SEMA6A: variants seen among roughly 807,000 people sequenced by gnomAD.
The protein encoded by SEMA6A is semaphorin 6A, also known as semaphorin-6A.
A neutral mutation model predicts 96.8 loss-of-function variants in SEMA6A; 25 were observed. The observed-to-expected ratio is 0.26, with a 90% confidence interval of 0.19 to 0.36. SEMA6A has a LOEUF of 0.36. SEMA6A is among the 10% of genes least tolerant of loss of function. The pLI is 1.00. For synonymous variants in SEMA6A, 612 were observed against 518.0 expected (o/e 1.18, Z -2.46); for missense variants, 1,363 against 1,323.1 (o/e 1.03, Z -0.47).
intron 1 of SEMA6A, among the ~76,000 whole-genome samples, chr5:116,539,895 A>G (rs1243728672): frequency 6.6e-6 from 1 of 152,130 alleles, no homozygotes; most frequent in Non-Finnish European, 1.5e-5. Flanking sequence ...TTCCCAGTGT[A>G]TCTTAAACTC....
chr5:116,501,893 C>G (rs76229030), intron 3 of SEMA6A, among the ~76,000 whole-genome samples: 11 of 152,018 alleles, frequency 7.2e-5, no homozygotes, highest in African/African-American at 2.7e-4. Context: ...CCATCTCAAA[C>G]AAACAAACAG....
intron 11 of SEMA6A, among the ~76,000 whole-genome samples, chr5:116,481,420 C>T (rs1021053731): frequency 6.6e-6 from 1 of 152,154 alleles, no homozygotes; most frequent in Non-Finnish European, 1.5e-5. Flanking sequence ...GTCTGCTCTC[C>T]ATAAGTAACA....
chr5:116,499,704 G>A (rs1166053614), intron 3 of SEMA6A, among the ~76,000 whole-genome samples: 1 of 152,190 alleles, frequency 6.6e-6, no homozygotes, highest in Non-Finnish European at 1.5e-5. Flanking sequence ...TTGACCTTTA[G>A]TAAAGATGAG....
At chr5:116,515,605 A>C (rs1327604451) in intron 1 of SEMA6A, among the ~76,000 whole-genome samples, 2 of 152,194 alleles carry the variant, frequency 1.3e-5, no homozygotes, top group African/African-American at 4.8e-5. Flanking sequence ...TACCTTTGTC[A>C]AAGTCCTTAG....
At position 116,491,836 on chromosome 5, in the gene SEMA6A, T is replaced by C; in HGVS notation, c.445-6A>G. ...AATGGTTCCAATGTATCCATCTAAATGAAATAATCAGACTTAATTACAAAC... is the reference window on the plus strand; with the variant it reads ...AATGGTTCCAATGTATCCATCTAAACGAAATAATCAGACTTAATTACAAAC... On this transcript the variant is annotated splice_region_variant and splice_polypyrimidine_tract_variant and intron_variant, in intron 6 of 18. Transcript: ENST00000343348. 6.2e-7 allele frequency: 1 copy of C among 1,603,460 alleles called. No individual in the cohort carries two copies. Among genetic ancestry groups the C allele is most frequent in the South Asian group, 1.1e-5 (1 of 90,828 alleles).
At chr5:116,502,954 G>C (rs899115523) in intron 2 of SEMA6A, among the ~76,000 whole-genome samples, 1 of 152,200 alleles carries the variant, frequency 6.6e-6, no homozygotes, top group Non-Finnish European at 1.5e-5. Flanking sequence ...GCTTTGACAG[G>C]ACAGGGTCAA....
intron 7 of SEMA6A, among the ~76,000 whole-genome samples, chr5:116,491,405 G>A (rs1757317041): frequency 7.4e-6 from 1 of 135,528 alleles, no homozygotes; most frequent in African/African-American, 2.7e-5. Flanking sequence ...AGGCACATCA[G>A]TAGGGGATTT....
intron 18 of SEMA6A, among the ~76,000 whole-genome samples, chr5:116,453,945 C>G (rs1265854896): frequency 6.6e-6 from 1 of 152,132 alleles, no homozygotes. Context: ...AAAGGAAGAG[C>G]TCTACTCACC....
chr5:116,503,208 C>G (rs985192309), intron 2 of SEMA6A, among the ~76,000 whole-genome samples: 2 of 152,120 alleles, frequency 1.3e-5, no homozygotes, highest in Non-Finnish European at 1.5e-5. Flanking sequence ...CACTTGTTTT[C>G]TGGAGAGGGG....
Position 116,467,590 on chromosome 5 carries a change from G to T in SEMA6A, c.1887C>A (p.Asp629Glu). 6.2e-7 allele frequency: 1 copy of T among 1,612,434 alleles called. No homozygotes were observed. The highest frequency in any genetic ancestry group is 8.5e-7 in the Non-Finnish European group (1 of 1,179,432). Residue 629 changes from aspartate to glutamate, a missense_variant, in exon 18 of 19, where the codon GAC becomes GAA. This residue lies in a region of SEMA6A where 883 missense variants were observed against 763.6 expected (regional missense o/e 1.16). Coordinates refer to ENST00000343348, the MANE Select transcript of SEMA6A (RefSeq NM_020796.5). ...GCATTTCCAAGGCCTTACCCTTCTT[G>T]TCTTGGTGATTATGGGAAGACACTG... ...LGAVSSHNHQ[D>E]KKGVIRESYL...
At chr5:116,527,063 T>G (rs931981306) in intron 1 of SEMA6A, among the ~76,000 whole-genome samples, 11 of 152,144 alleles carry the variant, frequency 7.2e-5, no homozygotes, top group African/African-American at 2.7e-4. Flanking sequence ...TTCAATTATA[T>G]GGACAATGAA....
At chr5:116,495,039 T>TAGAAA (rs1757519232) in intron 6 of SEMA6A, among the ~76,000 whole-genome samples, 1 of 152,176 alleles carries the variant, frequency 6.6e-6, no homozygotes. Context: ...CCTTTTAGAA[T>TAGAAA]AGAAATCACT....
chr5:116,458,378 G>T (rs992108226), intron 18 of SEMA6A, among the ~76,000 whole-genome samples: 8 of 152,102 alleles, frequency 5.3e-5, no homozygotes, highest in Admixed American at 2.0e-4. Context: ...CATTGTGTGT[G>T]TTTTTGTAGA....
At position 116,504,956 on chromosome 5, in the gene SEMA6A, G is replaced by C. The variant is rs77211678; in HGVS notation, c.-12C>G. On this transcript the variant is annotated 5_prime_UTR_variant, in exon 2 of 19. Transcript: ENST00000343348. ...GCTTCTGACCTCATAGTAGTTCAGCGGGGAGACTTTATTTCTCTACTTCAC... is the reference window on the plus strand; with the variant it reads ...GCTTCTGACCTCATAGTAGTTCAGCCGGGAGACTTTATTTCTCTACTTCAC... 9.7e-4 allele frequency: 1,506 copies of C among 1,560,236 alleles called. 15 individuals are homozygous for C. The African/African-American group carries it at 0.018, about 19-fold the overall frequency.
chr5:116,482,911 T>C (rs1171086969), intron 10 of SEMA6A, among the ~76,000 whole-genome samples: 1 of 152,182 alleles, frequency 6.6e-6, no homozygotes, highest in East Asian at 1.9e-4. Flanking sequence ...TAATTATCAG[T>C]TAATGACCTC....
At chr5:116,563,808 A>G (rs908121257) in intron 1 of SEMA6A, among the ~76,000 whole-genome samples, 48 of 152,240 alleles carry the variant, frequency 3.2e-4, no homozygotes, top group South Asian at 2.1e-4. Flanking sequence ...GCCTATGCGA[A>G]TACTGTAAAA....
At chr5:116,451,597 C>G (rs1054150091) in intron 18 of SEMA6A, among the ~76,000 whole-genome samples, 2 of 151,982 alleles carry the variant, frequency 1.3e-5, no homozygotes, top group African/African-American at 4.8e-5. Flanking sequence ...CATTTATAAC[C>G]CTTGCCATCC....
chr5:116,482,424 A>C lies in SEMA6A; in HGVS notation c.1094+20T>G, dbSNP rs1294104373. On this transcript the variant is annotated intron_variant, in intron 11 of 18. Coordinates refer to ENST00000343348, the MANE Select transcript of SEMA6A (RefSeq NM_020796.5). ...GCCATTTCTAAAGTTTAAAATAGCC[A>C]TATGAATATTTGCACATACCTGGGC... The C allele has an allele frequency of 6.2e-7, 1 of 1,609,622 alleles. No individual in the cohort carries two copies. Among genetic ancestry groups the C allele is most frequent in the Non-Finnish European group, 8.5e-7 (1 of 1,177,358 alleles).
At position 116,546,817 on chromosome 5, in the gene SEMA6A, C is replaced by T. The variant is rs578164915; in HGVS notation, c.-39+27368G>A. 9.8e-5 allele frequency among the ~76,000 whole-genome samples: 15 copies of T among 152,350 alleles called. No homozygotes were observed. In the South Asian group the frequency reaches 3.1e-3, roughly 32 times the overall value. On this transcript the variant is annotated intron_variant, in intron 1 of 18. Coordinates refer to ENST00000343348, the MANE Select transcript of SEMA6A (RefSeq NM_020796.5). ...CAAAACTCAGAGCCTGCAAACTATA[C>T]TGAGCCCACCCATTTTCCCTGATTC...
Sources: gnomAD v4.1 joint callset for allele counts (sites outside exome capture counted in the v4.1 genomes callset) on GRCh38, gnomAD v4.1.1 for gene constraint, gnomAD v4.1.1 regional missense constraint, MANE v1.5 for transcripts, NCBI Gene and HGNC (gene_info 2026-07-23, HGNC 2026-07-21) for gene names.